SYT9: variants seen among roughly 807,000 people sequenced by gnomAD.
SYT9 encodes the protein synaptotagmin 9, also known as synaptotagmin-9.
In SYT9, 22 loss-of-function variants were observed where a neutral mutation model predicts 48.4. The observed-to-expected ratio is 0.45, with a 90% CI of 0.32 to 0.65. The LOEUF (loss-of-function observed/expected upper bound fraction) is 0.65, where lower values mean the gene tolerates loss of function less well. SYT9 is among the 30% of genes least tolerant of loss of function. The pLI is 0.03. For synonymous variants in SYT9, 265 were observed against 245.0 expected, an observed-to-expected ratio of 1.08 and a Z score of -0.76; for missense variants, 577 against 622.0, an observed-to-expected ratio of 0.93 and a Z score of 0.77.
intron 3 of SYT9, among the ~76,000 whole-genome samples, chr11:7,320,846 T>C (rs1849324566): frequency 1.3e-5 from 2 of 152,126 alleles, no homozygotes; most frequent in Non-Finnish European, 2.9e-5. Context: ...ACAATACATC[T>C]TTGTGAGGAT....
chr11:7,240,483 T>G lies in SYT9; in HGVS notation c.49+1567T>G, dbSNP rs1345913996. Among the ~76,000 whole-genome samples the G allele has an allele frequency of 2.6e-5, 4 of 152,188 alleles. No homozygotes were observed. The East Asian group carries it at 5.8e-4, about 22-fold the overall frequency. On this transcript the variant is annotated intron_variant and NMD_transcript_variant, in intron 1 of 8. Transcript: ENST00000524820. ...TCTTGAATAATATATGCAAGACATT[T>G]TCCTCATAAATGTCATAGTAAATGG... is the stretch of plus-strand genomic sequence containing the variant.
At chr11:7,306,001 T>C (rs577617698) in intron 2 of SYT9, among the ~76,000 whole-genome samples, 3 of 152,322 alleles carry the variant, frequency 2.0e-5, no homozygotes, top group East Asian at 1.9e-4. Context: ...AGAATGTTTC[T>C]GGTCAGAATG....
At chr11:7,432,547 CAAAAAAAAAAAA>C (rs67650978) in intron 6 of SYT9, among the ~76,000 whole-genome samples, 265 of 16,500 alleles carry the variant, frequency 0.016, no homozygotes, top group Non-Finnish European at 0.025. Flanking sequence ...GACTCCATCT[CAAAAAAAAAAAA>C]AAAAAAAAAA....
chr11:7,311,351 T>G (rs146949530), intron 2 of SYT9, among the ~76,000 whole-genome samples: 1 of 152,274 alleles, frequency 6.6e-6, no homozygotes, highest in East Asian at 1.9e-4. Flanking sequence ...TATGGTAGAT[T>G]TAGTCCTACA....
chr11:7,346,587 G>A (rs1200060753), intron 3 of SYT9, among the ~76,000 whole-genome samples: 1 of 152,184 alleles, frequency 6.6e-6, no homozygotes. Context: ...AAGAGCCTCT[G>A]CCTTCAGGGA....
At chr11:7,318,729 G>GT (rs1279925345) in intron 3 of SYT9, among the ~76,000 whole-genome samples, 3 of 151,898 alleles carry the variant, frequency 2.0e-5, no homozygotes, top group African/African-American at 2.4e-5. Context: ...ATCCAGTGAG[G>GT]TTTTTTTTAC....
At chr11:7,454,138 TG>T (rs1848107670) in intron 6 of SYT9, 1 of 985,302 alleles carries the variant, frequency 1.0e-6, no homozygotes, top group Admixed American at 6.2e-5. Flanking sequence ...GCTACCTACC[TG>T]ATTTCCAGCC....
chr11:7,416,363 T>C (rs1394119140), intron 4 of SYT9, among the ~76,000 whole-genome samples: 1 of 152,182 alleles, frequency 6.6e-6, no homozygotes, highest in Non-Finnish European at 1.5e-5. Flanking sequence ...TGAGAGTAAT[T>C]ATAGCGTCTG....
In SYT9 at chr11:7,391,565, T is replaced by A. The variant is rs532679294; in HGVS notation, c.1045-24477T>A. 5.3e-5 allele frequency among the ~76,000 whole-genome samples: 8 copies of A among 151,856 alleles called. No individual in the cohort carries two copies. The Middle Eastern group carries it at 0.01, about 194-fold the overall frequency. On this transcript the variant is annotated intron_variant, in intron 3 of 6. Transcript: ENST00000318881. ...CATTGTGGTTTTCATTGAGCATTTTTAATTATGTTTATTGAATGCTTATAT... is the reference window on the plus strand; with the variant it reads ...CATTGTGGTTTTCATTGAGCATTTTAAATTATGTTTATTGAATGCTTATAT...
chr11:7,389,331 C>T (rs184148836), intron 3 of SYT9, among the ~76,000 whole-genome samples: 78 of 152,174 alleles, frequency 5.1e-4, no homozygotes, highest in Admixed American at 5.1e-3. Context: ...ATTTCTTGCC[C>T]ACCTTGTGTG....
intron 1 of SYT9, 141 bp from the exon 2 acceptor site, chr11:7,302,898 C>A (rs1848949540): frequency 1.4e-6 from 1 of 702,196 alleles, no homozygotes; most frequent in African/African-American, 1.8e-5. Flanking sequence ...AATTAAGTAA[C>A]CCAGCCATGC....
intron 3 of SYT9, among the ~76,000 whole-genome samples, chr11:7,331,920 T>G (rs1849540674): frequency 1.3e-5 from 2 of 152,216 alleles, no homozygotes; most frequent in Admixed American, 6.5e-5. Context: ...AGAGGAAGTC[T>G]GTAACTATAT....
chr11:7,431,611 A>G (rs1036541035), intron 6 of SYT9, among the ~76,000 whole-genome samples: 1 of 152,212 alleles, frequency 6.6e-6, no homozygotes, highest in Non-Finnish European at 1.5e-5. Context: ...CTCTCATTAC[A>G]GGTTCAGAGG....
At position 7,409,755 on chromosome 11, in the gene SYT9, G is replaced by A. The variant is rs150931701; in HGVS notation, c.1045-6287G>A. On this transcript the variant is annotated intron_variant, in intron 3 of 6. Coordinates refer to ENST00000318881, the MANE Select transcript of SYT9 (RefSeq NM_175733.4). The stretch of plus-strand genomic sequence containing the variant: ...TCTTGTTTTGTATTCTGTGTTCTTG[G>A]TTAGTCTAGCTAGTGGTTTATCAAT... 2.1e-3 allele frequency among the ~76,000 whole-genome samples: 324 copies of A among 151,916 alleles called. 5 individuals are homozygous for A. The East Asian group carries it at 0.027, about 13-fold the overall frequency.
At chr11:7,417,516 C>T (rs377220551) in intron 4 of SYT9, among the ~76,000 whole-genome samples, 1 of 152,164 alleles carries the variant, frequency 6.6e-6, no homozygotes, top group African/African-American at 2.4e-5. Flanking sequence ...CAGATGTTCT[C>T]TGTCCTCTAG....
chr11:7,262,657 G>A (rs1042416324), intron 1 of SYT9, among the ~76,000 whole-genome samples: 1 of 152,108 alleles, frequency 6.6e-6, no homozygotes, highest in African/African-American at 2.4e-5. Context: ...AAGCAGCTGT[G>A]TCAAGTGCTA....
intron 3 of SYT9, among the ~76,000 whole-genome samples, chr11:7,379,382 A>G (rs542868384): frequency 1.1e-4 from 16 of 152,114 alleles, no homozygotes; most frequent in African/African-American, 3.4e-4. Flanking sequence ...TTTAAAGTAC[A>G]TGTGTTCCTA....
chr11:7,373,735 C>G (rs1220309985), intron 3 of SYT9, among the ~76,000 whole-genome samples: 1 of 152,070 alleles, frequency 6.6e-6, no homozygotes, highest in Non-Finnish European at 1.5e-5. Context: ...AGAATAATGC[C>G]TGGACTCCCT....
chr11:7,324,472 T>C (rs575426215), intron 3 of SYT9, among the ~76,000 whole-genome samples: 1 of 152,050 alleles, frequency 6.6e-6, no homozygotes, highest in African/African-American at 2.4e-5. Context: ...TAATTACTTA[T>C]ATCTTTAGGT....
Sources: allele counts gnomAD v4.1 joint callset (sites outside exome capture counted in the v4.1 genomes callset), GRCh38; gene constraint gnomAD v4.1.1; transcripts MANE v1.5; gene names NCBI Gene and HGNC (gene_info 2026-07-23, HGNC 2026-07-21).